GCC2: variants seen among roughly 807,000 people sequenced by gnomAD.
GCC2 encodes GRIP and coiled-coil domain containing 2, also known as GRIP and coiled-coil domain-containing protein 2.
A neutral mutation model predicts 210.6 loss-of-function variants in GCC2; 120 were observed. The observed-to-expected ratio is 0.57, with a 90% CI of 0.49 to 0.66. The LOEUF (loss-of-function observed/expected upper bound fraction) is 0.66. Among genes scored for constraint, GCC2 ranks in the 30% least tolerant of loss-of-function variants. GCC2 has a pLI of 0.00. For missense variants in GCC2, 1,868 were observed against 1,871.9 expected (o/e 1.00, Z 0.04); for synonymous variants, 703 against 652.7 (o/e 1.08, Z -1.17).
chr2:108,497,671 C>T (rs1682711745), intron 21 of GCC2, among the ~76,000 whole-genome samples: 3 of 152,060 alleles, frequency 2.0e-5, no homozygotes, highest in South Asian at 4.2e-4. Flanking sequence ...GGAAGTTTTT[C>T]CTGTTTAAAG....
At chr2:108,486,771 A>AGACCT in intron 16 of GCC2, 123 bp downstream of exon 16, 1 of 723,982 alleles carries the variant, frequency 1.4e-6, no homozygotes, top group East Asian at 3.2e-5. Context: ...TACTAGATTA[A>AGACCT]GACCTGTTCA....
chr2:108,505,874 G>C (rs1425978803), intron 22 of GCC2, among the ~76,000 whole-genome samples: 2 of 152,096 alleles, frequency 1.3e-5, no homozygotes, highest in African/African-American at 2.4e-5. Context: ...AAACCAGACA[G>C]AACAGAAAAA....
intron 3 of GCC2, 82 bp downstream of exon 3, chr2:108,451,194 C>G: frequency 1.2e-6 from 1 of 802,362 alleles, no homozygotes; most frequent in Non-Finnish European, 2.1e-6. Flanking sequence ...AATGCATTGG[C>G]TTGTTTTTGT....
chr2:108,482,837 C>T (rs1681939618), intron 11 of GCC2, among the ~76,000 whole-genome samples: 1 of 152,030 alleles, frequency 6.6e-6, no homozygotes, highest in Admixed American at 6.6e-5. Context: ...CCACCATGCC[C>T]AGCTAATTTT....
intron 4 of GCC2, among the ~76,000 whole-genome samples, chr2:108,454,370 T>C (rs1407513729): frequency 1.3e-5 from 2 of 152,378 alleles, no homozygotes; most frequent in East Asian, 3.8e-4. Context: ...CAGAGAGTTA[T>C]TACAAGGGGT....
chr2:108,454,021 C>T (rs185829308), intron 4 of GCC2, among the ~76,000 whole-genome samples: 220 of 152,178 alleles, frequency 1.4e-3, no homozygotes, highest in African/African-American at 4.3e-3. Flanking sequence ...GACAGAGTCT[C>T]GCCTTGTCGC....
chr2:108,486,709 T>G, intron 16 of GCC2, 61 bp downstream of exon 16: 1 of 1,502,088 alleles, frequency 6.7e-7, no homozygotes, highest in Non-Finnish European at 9.1e-7. Flanking sequence ...TAGTCATTGG[T>G]TTACTCCAGG....
intron 4 of GCC2, among the ~76,000 whole-genome samples, chr2:108,454,977 CTA>C (rs3083173): frequency 0.61 from 91,823 of 151,336 alleles, 28,521 homozygotes; most frequent in East Asian, 0.96. Flanking sequence ...ACTGCAACCT[CTA>C]TAGAGTGTTA....
Position 108,470,042 on chromosome 2 carries a change from A to C in GCC2, c.713A>C (p.Gln238Pro). The C allele has an allele frequency of 6.2e-7, 1 of 1,613,210 alleles. No homozygotes were observed. The highest frequency in any genetic ancestry group is 8.5e-7 in the Non-Finnish European group (1 of 1,179,664). ...QHYQKNINSL[Q>P]EELLQLKAIH... ...TACCAAAAAAATATTAATAGTTTGC[A>C]GGAAGAGCTTTTACAGTTGAAAGCT... Residue 238 changes from glutamine (Q) to proline (P), a missense_variant, in exon 6 of 23, where the codon CAG becomes CCG. Around this residue, in one of 3 missense-constraint regions of GCC2, gnomAD observed 1,847 missense variants for 1,765.2 expected, o/e 1.05. Coordinates refer to ENST00000309863, the MANE Select transcript of GCC2 (RefSeq NM_181453.4).
intron 9 of GCC2, among the ~76,000 whole-genome samples, chr2:108,477,063 A>T (rs555727539): frequency 2.6e-5 from 4 of 152,226 alleles, no homozygotes; most frequent in Non-Finnish European, 5.9e-5. Flanking sequence ...TATAAATTCT[A>T]AGAGAAATTC....
At chr2:108,491,623 C>T (rs1047309179) in intron 18 of GCC2, among the ~76,000 whole-genome samples, 2 of 151,796 alleles carry the variant, frequency 1.3e-5, no homozygotes, top group Middle Eastern at 3.4e-3. Flanking sequence ...CTGTTAACAA[C>T]GTTTATCTAC....
chr2:108,500,522 C>G (rs558818561), intron 22 of GCC2, among the ~76,000 whole-genome samples: 70 of 150,616 alleles, frequency 4.6e-4, no homozygotes, highest in African/African-American at 1.6e-3. Context: ...CAAAAAACAT[C>G]AACAACAAAA....
chr2:108,476,099 C>T (rs1026943494), intron 9 of GCC2, among the ~76,000 whole-genome samples: 2 of 133,574 alleles, frequency 1.5e-5, no homozygotes, highest in South Asian at 2.4e-4. Context: ...CTCTCTCTCT[C>T]GCCCAGGCTG....
intron 10 of GCC2, among the ~76,000 whole-genome samples, 178 bp from the exon 11 acceptor site, chr2:108,482,109 A>G (rs1204945904): frequency 6.6e-6 from 1 of 152,156 alleles, no homozygotes; most frequent in Non-Finnish European, 1.5e-5. Context: ...GGTTTACCAT[A>G]TTAGTATTTC....
Position 108,495,579 on chromosome 2 carries a change from C to G in GCC2, c.4642+94C>G. The stretch of plus-strand genomic sequence containing the variant: ...AAGTTACATATGCTTTTTTGGGCTG[C>G]TCCAATAAAATTTCTTTCAATATTC... On this transcript the variant is annotated intron_variant, in intron 20 of 22. Transcript: ENST00000309863. 3 of 787,036 alleles carry G rather than the reference C, an allele frequency of 3.8e-6. No individual in the cohort carries two copies. In the South Asian group the frequency reaches 5.5e-5, roughly 15 times the overall value. 48.8% of individuals were successfully genotyped at this position (787,036 alleles called of 1,614,324 possible).
chr2:108,460,693 A>G (rs1558731799), intron 4 of GCC2, among the ~76,000 whole-genome samples: 1 of 152,048 alleles, frequency 6.6e-6, no homozygotes, highest in Admixed American at 6.6e-5. Context: ...ATGAAGGATA[A>G]TTTTGCTGAT....
chr2:108,461,830 C>CTTTTTTTTT lies in GCC2; in HGVS notation c.217-7145_217-7144insTTTTTTTTT, dbSNP rs1313525353. On this transcript the variant is annotated intron_variant, in intron 4 of 22. Coordinates refer to ENST00000309863, the MANE Select transcript of GCC2 (RefSeq NM_181453.4). ...CTAAATAGGTTTTCTTTTTTTTTTT[C>CTTTTTTTTT]TTTTTCTTTTTTTTTTTTTTTGAGA... 1.5e-4 allele frequency among the ~76,000 whole-genome samples: 19 copies of CTTTTTTTTT among 124,120 alleles called. 1 individual carries two copies. The highest frequency in any genetic ancestry group is 3.3e-4 in the Admixed American group (4 of 12,236). The allele number at this position is 124,120 out of a possible 152,430, so 81.4% of individuals were successfully genotyped here. A position where few individuals can be genotyped will look rare whatever the true frequency, so the allele number is the denominator to read the frequency against.
intron 17 of GCC2, among the ~76,000 whole-genome samples, chr2:108,488,791 T>C (rs982781818): frequency 6.6e-6 from 1 of 152,232 alleles, no homozygotes; most frequent in Non-Finnish European, 1.5e-5. Flanking sequence ...TAAACAAGAC[T>C]AATTATTCTG....
At chr2:108,489,796 A>T (rs774663496) in intron 17 of GCC2, 42 bp from the exon 18 acceptor site, 13 of 1,396,654 alleles carry the variant, frequency 9.3e-6, no homozygotes, top group African/African-American at 1.4e-5. Flanking sequence ...AATCAAATTC[A>T]CCTTTTTCAA....
Sources: allele counts gnomAD v4.1 joint callset (sites outside exome capture counted in the v4.1 genomes callset), GRCh38; gene constraint gnomAD v4.1.1; regional missense constraint gnomAD v4.1.1; transcripts MANE v1.5; gene names NCBI Gene and HGNC (gene_info 2026-07-23, HGNC 2026-07-21).